The following PHF14 variants were observed in gnomAD, a reference collection of about 807,000 sequenced individuals.
PHF14 encodes the protein PHD finger protein 14.
A neutral mutation model predicts 117.9 loss-of-function variants in PHF14; 55 were observed. That is an observed-to-expected ratio of 0.47 (90% CI 0.38 to 0.58). PHF14 has a LOEUF of 0.58. Among genes scored for constraint, PHF14 ranks in the 20% least tolerant of loss-of-function variants. The pLI is 0.00. For synonymous variants in PHF14, 409 were observed against 368.6 expected, an observed-to-expected ratio of 1.11 and a Z score of -1.26; for missense variants, 978 against 1,122.2, an observed-to-expected ratio of 0.87 and a Z score of 1.84.
At chr7:10,988,016 C>CAAAAAA (rs60714759) in intron 3 of PHF14, among the ~76,000 whole-genome samples, 1 of 115,632 alleles carries the variant, frequency 8.6e-6, no homozygotes, top group Non-Finnish European at 1.8e-5. Context: ...AACTCCTTCT[C>CAAAAAA]AAAAAAAAAA....
At chr7:11,065,498 A>G (rs1785393597) in intron 16 of PHF14, among the ~76,000 whole-genome samples, 1 of 152,132 alleles carries the variant, frequency 6.6e-6, no homozygotes, top group Non-Finnish European at 1.5e-5. Context: ...TGTCACTATT[A>G]TAATTTAATT....
At position 11,151,273 on chromosome 7, in the gene PHF14, A is replaced by T. The variant is rs527244344; in HGVS notation, c.2773-18143A>T. Among the ~76,000 whole-genome samples, 218 of 152,268 alleles carry T rather than the reference A, an allele frequency of 1.4e-3. 1 individual carries two copies. The highest frequency in any genetic ancestry group is 4.8e-3 in the African/African-American group (201 of 41,564). On this transcript the variant is annotated intron_variant, in intron 17 of 17. Coordinates refer to ENST00000634607, the MANE Select transcript of PHF14 (RefSeq NM_001007157.2). ...TTTATATATTTAAATTTATAACTTCAGGCCAGGCACAGTGTTTCTCACCTG... is the reference window on the plus strand; with the variant it reads ...TTTATATATTTAAATTTATAACTTCTGGCCAGGCACAGTGTTTCTCACCTG...
At chr7:11,096,823 T>G (rs1786888430) in intron 16 of PHF14, among the ~76,000 whole-genome samples, 1 of 152,040 alleles carries the variant, frequency 6.6e-6, no homozygotes, top group Non-Finnish European at 1.5e-5. Flanking sequence ...TTTACCAATT[T>G]CTGTTGGTGT....
intron 17 of PHF14, among the ~76,000 whole-genome samples, chr7:11,128,688 G>GTC (rs201345870): frequency 6.6e-6 from 1 of 151,098 alleles, no homozygotes; most frequent in South Asian, 2.1e-4. Flanking sequence ...ATGTAAATCA[G>GTC]TCTCTCTCTC....
intron 16 of PHF14, among the ~76,000 whole-genome samples, chr7:11,099,595 T>C (rs192443624): frequency 1.2e-4 from 19 of 152,254 alleles, no homozygotes; most frequent in Middle Eastern, 3.4e-3. Flanking sequence ...GGTGTTAATA[T>C]TGTTAAATTA....
At chr7:11,072,279 C>T (rs1230173100) in intron 16 of PHF14, among the ~76,000 whole-genome samples, 5 of 152,040 alleles carry the variant, frequency 3.3e-5, no homozygotes, top group Non-Finnish European at 7.4e-5. Context: ...ACAGCCAGAT[C>T]TTCTAAGAAC....
intron 17 of PHF14, among the ~76,000 whole-genome samples, chr7:11,127,922 C>G (rs1396052211): frequency 6.6e-6 from 1 of 151,892 alleles, no homozygotes; most frequent in African/African-American, 2.4e-5. Context: ...ACTTCTTTCA[C>G]TTCTTCAAAC....
At chr7:11,052,042 G>A (rs960325569) in intron 14 of PHF14, among the ~76,000 whole-genome samples, 10 of 152,126 alleles carry the variant, frequency 6.6e-5, no homozygotes, top group African/African-American at 9.7e-5. Flanking sequence ...CATTCCCAAA[G>A]CTTTAGAAGT....
At chr7:11,077,192 A>G (rs1397220304) in intron 16 of PHF14, among the ~76,000 whole-genome samples, 2 of 152,096 alleles carry the variant, frequency 1.3e-5, no homozygotes, top group Non-Finnish European at 2.9e-5. Context: ...TTAAAGATCA[A>G]CACATATTAT....
At chr7:11,160,976 A>C (rs1371872816) in intron 17 of PHF14, among the ~76,000 whole-genome samples, 1 of 152,132 alleles carries the variant, frequency 6.6e-6, no homozygotes, top group Non-Finnish European at 1.5e-5. Context: ...ACATAGTCAT[A>C]AATTCTTTCC....
At chr7:10,974,421 G>T in intron 1 of PHF14, 97 bp downstream of exon 1, 1 of 1,020,212 alleles carries the variant, frequency 9.8e-7, no homozygotes. Flanking sequence ...GAGTCCTGCG[G>T]GAAAGCAGGA....
chr7:11,104,015 A>G, intron 16 of PHF14: 1 of 985,108 alleles, frequency 1.0e-6, no homozygotes, highest in Non-Finnish European at 1.2e-6. Context: ...GCTTTTAAGC[A>G]AAATGACAGA....
intron 17 of PHF14, among the ~76,000 whole-genome samples, chr7:11,128,944 G>A (rs1788010301): frequency 6.6e-6 from 1 of 151,788 alleles, no homozygotes; most frequent in Non-Finnish European, 1.5e-5. Context: ...CTGTTCATTT[G>A]ACATTTGGTA....
chr7:10,990,300 A>C (rs1438298180), intron 3 of PHF14, among the ~76,000 whole-genome samples: 1 of 152,322 alleles, frequency 6.6e-6, no homozygotes, highest in Admixed American at 6.5e-5. Flanking sequence ...TGTAAGAATC[A>C]TGTCTTGTGC....
chr7:11,144,069 A>G (rs933946212), intron 17 of PHF14, among the ~76,000 whole-genome samples: 6 of 152,094 alleles, frequency 3.9e-5, no homozygotes, highest in African/African-American at 1.4e-4. Flanking sequence ...GGATCTGAGT[A>G]GAAATTTCTC....
chr7:11,108,354 C>T (rs1787338282), intron 16 of PHF14: 1 of 151,282 alleles, frequency 6.6e-6, no homozygotes, highest in Non-Finnish European at 1.5e-5. Flanking sequence ...TTCTTTTTTT[C>T]CCCTTCTGTT....
chr7:11,024,818 C>T (rs1224404614), intron 6 of PHF14, among the ~76,000 whole-genome samples: 4 of 152,192 alleles, frequency 2.6e-5, no homozygotes, highest in East Asian at 1.9e-4. Context: ...ATGTGTTTTC[C>T]TGCCTGCTGT....
intron 4 of PHF14, chr7:11,006,484 C>T (rs904935985): frequency 9.2e-6 from 5 of 545,612 alleles, no homozygotes; most frequent in African/African-American, 1.9e-5. Context: ...TCCATCAGGC[C>T]GAATTAGGGT....
intron 4 of PHF14, among the ~76,000 whole-genome samples, chr7:11,003,385 C>T (rs1782951021): frequency 6.6e-6 from 1 of 152,196 alleles, no homozygotes; most frequent in Admixed American, 6.5e-5. Context: ...TCTTGTTCCA[C>T]AAATATAACC....
Sources: gnomAD v4.1 joint callset for allele counts (sites outside exome capture counted in the v4.1 genomes callset) on GRCh38, gnomAD v4.1.1 for gene constraint, MANE v1.5 for transcripts, NCBI Gene and HGNC (gene_info 2026-07-23, HGNC 2026-07-21) for gene names.